GPC6: variants seen among roughly 807,000 people sequenced by gnomAD.
GPC6 encodes glypican-6.
A neutral mutation model predicts 55.2 loss-of-function variants in GPC6; 14 were observed. That is an observed-to-expected ratio of 0.25 (90% CI 0.17 to 0.40). GPC6 has a LOEUF of 0.40. Ranked by LOEUF, GPC6 falls within the 10% of genes least tolerant of loss-of-function variation. The probability of loss-of-function intolerance (pLI) is 1.00; values close to 1 mark genes in which losing one functional copy is unlikely to be tolerated. For synonymous variants in GPC6, 278 were observed against 259.6 expected, an observed-to-expected ratio of 1.07 and a Z score of -0.68; for missense variants, 641 against 708.5, an observed-to-expected ratio of 0.90 and a Z score of 1.08.
chr13:94,372,302 C>T (rs1166211923), intron 6 of GPC6, among the ~76,000 whole-genome samples: 1 of 152,104 alleles, frequency 6.6e-6, no homozygotes, highest in Non-Finnish European at 1.5e-5. Context: ...ACTGAGGTAC[C>T]AGGTTCATCT....
intron 3 of GPC6, among the ~76,000 whole-genome samples, chr13:93,973,194 G>A (rs1880365208): frequency 6.6e-6 from 1 of 152,140 alleles, no homozygotes. Flanking sequence ...ATAACCTATT[G>A]CTCTTTGGCT....
intron 3 of GPC6, among the ~76,000 whole-genome samples, chr13:93,986,771 T>C (rs187255484): frequency 4.1e-4 from 63 of 152,318 alleles, no homozygotes; most frequent in Admixed American, 2.6e-3. Context: ...TTATGTGTTA[T>C]TTTAGTATTT....
At chr13:94,077,226 TA>T (rs1214222944) in intron 4 of GPC6, among the ~76,000 whole-genome samples, 2 of 151,852 alleles carry the variant, frequency 1.3e-5, no homozygotes, top group Non-Finnish European at 3.0e-5. Context: ...CTGAGTATTT[TA>T]TTTTTTTGAT....
intron 3 of GPC6, among the ~76,000 whole-genome samples, chr13:93,886,975 A>G (rs1238503252): frequency 2.0e-5 from 3 of 151,968 alleles, no homozygotes; most frequent in Non-Finnish European, 4.4e-5. Flanking sequence ...TGGTACATGC[A>G]TTATTCACTT....
intron 4 of GPC6, among the ~76,000 whole-genome samples, chr13:94,172,929 T>C (rs1435910131): frequency 3.3e-5 from 5 of 152,150 alleles, no homozygotes; most frequent in Non-Finnish European, 5.9e-5. Flanking sequence ...TGTCAACTCA[T>C]AGTATCTATA....
At chr13:93,973,754 A>C (rs534127264) in intron 3 of GPC6, among the ~76,000 whole-genome samples, 1 of 152,320 alleles carries the variant, frequency 6.6e-6, no homozygotes, top group South Asian at 2.1e-4. Flanking sequence ...TAAAAGATCA[A>C]CTTTTAGAGA....
intron 3 of GPC6, among the ~76,000 whole-genome samples, chr13:93,846,223 C>T (rs532001394): frequency 7.2e-5 from 11 of 152,244 alleles, no homozygotes; most frequent in African/African-American, 2.6e-4. Context: ...TGAAAATTCT[C>T]TTCCTGTTCA....
chr13:94,176,960 C>G (rs756977968), intron 4 of GPC6, among the ~76,000 whole-genome samples: 3 of 152,076 alleles, frequency 2.0e-5, no homozygotes, highest in African/African-American at 7.2e-5. Flanking sequence ...CTACCCTAAG[C>G]GCACAAACTA....
intron 1 of GPC6, among the ~76,000 whole-genome samples, chr13:93,534,919 G>A (rs1881999028): frequency 6.6e-6 from 1 of 152,140 alleles, no homozygotes; most frequent in South Asian, 2.1e-4. Flanking sequence ...TTCACTTCAA[G>A]TGCCCTAAGA....
At chr13:93,253,725 A>T (rs561633510) in intron 1 of GPC6, among the ~76,000 whole-genome samples, 5 of 152,212 alleles carry the variant, frequency 3.3e-5, no homozygotes, top group African/African-American at 1.2e-4. Flanking sequence ...ATAGAAGATC[A>T]TGCCCTATGA....
chr13:94,046,940 G>A (rs1010610156), intron 4 of GPC6, among the ~76,000 whole-genome samples: 1 of 152,120 alleles, frequency 6.6e-6, no homozygotes, highest in Non-Finnish European at 1.5e-5. Flanking sequence ...CCACTACTGC[G>A]AAGTTGGAGG....
intron 2 of GPC6, among the ~76,000 whole-genome samples, chr13:93,803,584 A>G (rs1347616638): frequency 2.0e-5 from 3 of 152,194 alleles, no homozygotes; most frequent in African/African-American, 7.2e-5. Context: ...ACAACTAAGT[A>G]TATACCTAAA....
chr13:93,934,876 A>G (rs956927682), intron 3 of GPC6, among the ~76,000 whole-genome samples: 2 of 151,524 alleles, frequency 1.3e-5, no homozygotes, highest in African/African-American at 2.4e-5. Context: ...GTGAATTTCC[A>G]TCATCTGAAT....
chr13:94,165,075 T>C (rs1313607291), intron 4 of GPC6, among the ~76,000 whole-genome samples: 1 of 151,746 alleles, frequency 6.6e-6, no homozygotes, highest in African/African-American at 2.4e-5. Context: ...AAAGTCACTA[T>C]ACAAAAAAGA....
intron 3 of GPC6, among the ~76,000 whole-genome samples, chr13:93,838,932 A>C (rs946899650): frequency 1.3e-5 from 2 of 152,218 alleles, no homozygotes; most frequent in Non-Finnish European, 2.9e-5. Context: ...ATTTATCTAG[A>C]GAAAGAAGAA....
chr13:93,338,751 A>G (rs1417031903), intron 1 of GPC6, among the ~76,000 whole-genome samples: 1 of 152,194 alleles, frequency 6.6e-6, no homozygotes, highest in Non-Finnish European at 1.5e-5. Flanking sequence ...ACATGTTATT[A>G]TTTAATGCAT....
At chr13:93,486,311 C>T (rs1244369330) in intron 1 of GPC6, among the ~76,000 whole-genome samples, 1 of 152,082 alleles carries the variant, frequency 6.6e-6, no homozygotes, top group African/African-American at 2.4e-5. Context: ...AAGGAAGAGA[C>T]ATATGTAGCT....
At chr13:93,432,064 G>T (rs1250355497) in intron 1 of GPC6, among the ~76,000 whole-genome samples, 1 of 152,102 alleles carries the variant, frequency 6.6e-6, no homozygotes, top group Admixed American at 6.6e-5. Context: ...ACTATCAATT[G>T]CAGCATCCTT....
intron 2 of GPC6, among the ~76,000 whole-genome samples, chr13:93,770,142 A>G (rs555055640): frequency 5.3e-5 from 8 of 152,280 alleles, no homozygotes; most frequent in Non-Finnish European, 8.8e-5. Flanking sequence ...ATTATTCTAA[A>G]AAACCATACA....
Sources: gnomAD v4.1 joint callset for allele counts (sites outside exome capture counted in the v4.1 genomes callset) on GRCh38, gnomAD v4.1.1 for gene constraint, MANE v1.5 for transcripts, NCBI Gene and HGNC (gene_info 2026-07-23, HGNC 2026-07-21) for gene names.